LRRC3B: variants seen among roughly 807,000 people sequenced by gnomAD.
LRRC3B encodes leucine rich repeat containing 3B, also known as leucine-rich repeat-containing protein 3B.
Under a neutral mutation model 12.8 loss-of-function variants are expected in LRRC3B, and 2 were observed. The observed-to-expected ratio is 0.16, with a 90% CI of 0.06 to 0.49. LRRC3B has a LOEUF of 0.49. Among genes scored for constraint, LRRC3B ranks in the 20% least tolerant of loss-of-function variants. The pLI, the probability that LRRC3B is intolerant of heterozygous loss-of-function variation, is 0.96. For synonymous variants in LRRC3B, 132 were observed against 122.0 expected (o/e 1.08, Z -0.54); for missense variants, 189 against 319.4 (o/e 0.59, Z 3.11).
chr3:26,644,835 A>G (rs1418996043), intron 1 of LRRC3B, among the ~76,000 whole-genome samples: 2 of 152,204 alleles, frequency 1.3e-5, no homozygotes, highest in East Asian at 1.9e-4. Flanking sequence ...AAGTATATCA[A>G]TGTCTACAAC....
At chr3:26,687,291 T>C (rs976226124) in intron 1 of LRRC3B, among the ~76,000 whole-genome samples, 25 of 152,256 alleles carry the variant, frequency 1.6e-4, no homozygotes, top group African/African-American at 6.0e-4. Flanking sequence ...TGCTTGCTTC[T>C]GCTTTTGATG....
At chr3:26,631,053 A>G (rs578220964) in intron 1 of LRRC3B, among the ~76,000 whole-genome samples, 1 of 152,284 alleles carries the variant, frequency 6.6e-6, no homozygotes, top group South Asian at 2.1e-4. Flanking sequence ...CTTAGGGATC[A>G]AGACTGTGGA....
intron 1 of LRRC3B, among the ~76,000 whole-genome samples, chr3:26,671,264 C>T (rs1368493749): frequency 6.9e-6 from 1 of 145,606 alleles, no homozygotes; most frequent in Admixed American, 6.8e-5. Flanking sequence ...ATCCGCCCGC[C>T]TCGGCCTCCC....
chr3:26,691,105 G>GTGTATATATATATATA (rs372629683), intron 1 of LRRC3B, among the ~76,000 whole-genome samples: 4,475 of 84,322 alleles, frequency 0.053, 202 homozygotes, highest in East Asian at 0.096. Flanking sequence ...GTGTGTGTGT[G>GTGTATATATATATATA]TATATATATA....
rs1469838758 is a variant in LRRC3B at position 26,649,908 on chromosome 3, C to T, written c.-161+26671C>T. ...TCCCTTTTGTATAGCCCCGATGTAG[C>T]CCCCACTTGGAACTTTCTCCCTCTT... On this transcript the variant is annotated intron_variant, in intron 1 of 1. Coordinates refer to ENST00000396641, the Ensembl canonical transcript of LRRC3B. Among the ~76,000 whole-genome samples, 3 of 152,006 alleles carry T rather than the reference C, an allele frequency of 2.0e-5. No homozygotes were observed. The South Asian group carries it at 6.2e-4, about 32-fold the overall frequency.
chr3:26,638,543 G>A (rs543131981), intron 1 of LRRC3B, among the ~76,000 whole-genome samples: 2 of 152,264 alleles, frequency 1.3e-5, no homozygotes, highest in South Asian at 4.1e-4. Flanking sequence ...TGATGATGTG[G>A]AAAATAACAA....
At chr3:26,663,435 C>T (rs918216402) in intron 1 of LRRC3B, among the ~76,000 whole-genome samples, 9 of 152,078 alleles carry the variant, frequency 5.9e-5, no homozygotes, top group African/African-American at 2.2e-4. Context: ...TAAAGAAATA[C>T]TGAAAAATTC....
intron 1 of LRRC3B, among the ~76,000 whole-genome samples, chr3:26,676,753 A>G (rs1699868778): frequency 6.6e-6 from 1 of 152,206 alleles, no homozygotes; most frequent in African/African-American, 2.4e-5. Context: ...TACCCAAAGG[A>G]TTGTAAATCA....
At chr3:26,691,050 TATATGTAC>T (rs60936055) in intron 1 of LRRC3B, among the ~76,000 whole-genome samples, 3,080 of 146,598 alleles carry the variant, frequency 0.021, 113 homozygotes, top group African/African-American at 0.073. Flanking sequence ...TATATATGTA[TATATGTAC>T]ATACATATAT....
At chr3:26,677,550 G>T (rs1032729687) in intron 1 of LRRC3B, among the ~76,000 whole-genome samples, 2 of 152,228 alleles carry the variant, frequency 1.3e-5, no homozygotes, top group African/African-American at 4.8e-5. Context: ...AGCAGATTGG[G>T]CAGTGGGCCA....
chr3:26,674,927 T>C (rs984307281), intron 1 of LRRC3B, among the ~76,000 whole-genome samples: 4 of 152,318 alleles, frequency 2.6e-5, no homozygotes, highest in Non-Finnish European at 5.9e-5. Flanking sequence ...TGGGCTTAAA[T>C]GTAATTTAAA....
chr3:26,675,996 C>CTTTA (rs1699851467), intron 1 of LRRC3B, among the ~76,000 whole-genome samples: 1 of 148,734 alleles, frequency 6.7e-6, no homozygotes, highest in South Asian at 2.1e-4. Flanking sequence ...GTTTCCCAAT[C>CTTTA]TTTATTTTCA....
intron 1 of LRRC3B, among the ~76,000 whole-genome samples, chr3:26,656,232 G>A (rs969483340): frequency 5.9e-5 from 9 of 152,178 alleles, no homozygotes; most frequent in African/African-American, 2.2e-4. Flanking sequence ...CAGGATGGTT[G>A]CATATTGCAG....
rs886575685 is a variant in LRRC3B, at chr3:26,629,519, C to T, written c.-161+6282C>T. Among the ~76,000 whole-genome samples the T allele has an allele frequency of 2.6e-4, 39 of 152,164 alleles. 1 individual carries two copies. Among genetic ancestry groups the T allele is most frequent in the Admixed American group, 1.6e-3 (24 of 15,274 alleles). On this transcript the variant is annotated intron_variant, in intron 1 of 1. Coordinates refer to ENST00000396641, the Ensembl canonical transcript of LRRC3B. Reference sequence around the variant, plus strand: ...TGCTACAGAGGGCTCCCCCTGTTAGCGGTGACTAAGCAGTATGCTTTCCCT... The same window carrying T: ...TGCTACAGAGGGCTCCCCCTGTTAGTGGTGACTAAGCAGTATGCTTTCCCT...
intron 1 of LRRC3B, among the ~76,000 whole-genome samples, chr3:26,655,409 CT>C (rs539809067): frequency 2.0e-5 from 3 of 152,194 alleles, no homozygotes; most frequent in Non-Finnish European, 4.4e-5. Flanking sequence ...TCTTGAGTTA[CT>C]TGCAGTTTGT....
intron 1 of LRRC3B, among the ~76,000 whole-genome samples, chr3:26,661,178 G>C (rs949770656): frequency 5.9e-5 from 9 of 152,286 alleles, no homozygotes; most frequent in South Asian, 2.1e-4. Flanking sequence ...CTGTTTAGGG[G>C]AAGGTCTTGT....
chr3:26,637,148 C>G lies in LRRC3B; in HGVS notation c.-161+13911C>G, dbSNP rs538471194. Among the ~76,000 whole-genome samples, 4 of 151,774 alleles carry G rather than the reference C, an allele frequency of 2.6e-5. No homozygotes were observed. In the South Asian group the frequency reaches 8.3e-4, roughly 32 times the overall value. ...AATAGCTGTGATTACAGGCGCCCACCACCATGCCCAGCTAATTTTTTAGTA... is the reference window on the plus strand; with the variant it reads ...AATAGCTGTGATTACAGGCGCCCACGACCATGCCCAGCTAATTTTTTAGTA... On this transcript the variant is annotated intron_variant, in intron 1 of 1. Coordinates refer to ENST00000396641, the Ensembl canonical transcript of LRRC3B.
chr3:26,648,426 A>G (rs1386721439), intron 1 of LRRC3B, among the ~76,000 whole-genome samples: 2 of 152,138 alleles, frequency 1.3e-5, no homozygotes, highest in African/African-American at 2.4e-5. Context: ...TTTACAAGAA[A>G]TGAAAAGGGC....
chr3:26,628,570 G>T (rs1698681885), intron 1 of LRRC3B, among the ~76,000 whole-genome samples: 1 of 151,672 alleles, frequency 6.6e-6, no homozygotes, highest in African/African-American at 2.4e-5. Flanking sequence ...ATTATCTGAA[G>T]ATTGTGACTT....
Sources: allele counts gnomAD v4.1 joint callset (sites outside exome capture counted in the v4.1 genomes callset), GRCh38; gene constraint gnomAD v4.1.1; transcripts MANE v1.5; gene names NCBI Gene and HGNC (gene_info 2026-07-23, HGNC 2026-07-21).